HIVEP2: variants seen among roughly 807,000 people sequenced by gnomAD.
HIVEP2 encodes the protein transcription factor HIVEP2.
HIVEP2 carries 14 observed loss-of-function variants against 180.7 expected under a neutral mutation model. That is an observed-to-expected ratio of 0.08 (90% CI 0.05 to 0.12). The LOEUF (loss-of-function observed/expected upper bound fraction) is 0.12. Among genes scored for constraint, HIVEP2 ranks in the 10% least tolerant of loss-of-function variants. HIVEP2 has a pLI of 1.00. For synonymous variants in HIVEP2, 1,184 were observed against 1,136.4 expected, an observed-to-expected ratio of 1.04 and a Z score of -0.84; for missense variants, 2,579 against 3,008.5, an observed-to-expected ratio of 0.86 and a Z score of 3.34.
At chr6:142,911,950 C>A (rs966894075) in intron 1 of HIVEP2, among the ~76,000 whole-genome samples, 2 of 152,082 alleles carry the variant, frequency 1.3e-5, no homozygotes, top group Non-Finnish European at 2.9e-5. Context: ...GTACTTATGG[C>A]TAATGATACT....
chr6:142,819,520 C>T (rs1361758224), intron 2 of HIVEP2, among the ~76,000 whole-genome samples: 2 of 152,176 alleles, frequency 1.3e-5, no homozygotes, highest in African/African-American at 4.8e-5. Flanking sequence ...TCATATATAA[C>T]AGGGAAGAAG....
intron 3 of HIVEP2, among the ~76,000 whole-genome samples, chr6:142,777,250 T>G (rs1472300886): frequency 2.0e-5 from 3 of 152,168 alleles, no homozygotes; most frequent in East Asian, 1.9e-4. Flanking sequence ...TATGGCTCAA[T>G]GATAAAACTG....
rs376703237 is a variant in HIVEP2, at chr6:142,771,070, A to C, written c.3669T>G (p.Pro1223=). Residue 1223 remains proline, a synonymous_variant, in exon 5 of 10, where the codon CCT becomes CCG. Coordinates refer to ENST00000367603, the MANE Select transcript of HIVEP2 (RefSeq NM_006734.4). The surrounding 1 kb of genome is among the most constrained non-coding windows in gnomAD (Gnocchi z 5.4). ...GTGGGAAATGTGCCTGCCACCAGGGAGGCTGCTGAGCTGGTAAATGAACCA... is the reference window on the plus strand; with the variant it reads ...GTGGGAAATGTGCCTGCCACCAGGGCGGCTGCTGAGCTGGTAAATGAACCA... ...VCMVHLPAQQ[P]PWWQAHFPHP... is the part of the protein sequence containing the mutation. 8.1e-6 allele frequency: 13 copies of C among 1,614,032 alleles called. No homozygotes were observed. The highest frequency in any genetic ancestry group is 1.1e-5 in the Non-Finnish European group (13 of 1,180,044).
chr6:142,780,406 C>T (rs1775826511), intron 3 of HIVEP2, among the ~76,000 whole-genome samples: 1 of 152,188 alleles, frequency 6.6e-6, no homozygotes, highest in Non-Finnish European at 1.5e-5. Context: ...CATGAACTTT[C>T]ACATTTGATT....
At chr6:142,886,021 T>C (rs1776689783) in intron 1 of HIVEP2, among the ~76,000 whole-genome samples, 1 of 152,240 alleles carries the variant, frequency 6.6e-6, no homozygotes, top group African/African-American at 2.4e-5. Context: ...TATATCTTTA[T>C]AAAACATGCT....
intron 1 of HIVEP2, among the ~76,000 whole-genome samples, chr6:142,930,150 C>T (rs540594251): frequency 3.3e-5 from 5 of 152,272 alleles, no homozygotes; most frequent in Non-Finnish European, 5.9e-5. Flanking sequence ...TGTGTTGTTC[C>T]TCTACAGCCA....
At chr6:142,851,607 C>T (rs976031988) in intron 1 of HIVEP2, among the ~76,000 whole-genome samples, 1 of 152,212 alleles carries the variant, frequency 6.6e-6, no homozygotes, top group African/African-American at 2.4e-5. Context: ...TTGTCTACAG[C>T]CTCACTGTAA....
At chr6:142,920,778 TC>T (rs1777665237) in intron 1 of HIVEP2, among the ~76,000 whole-genome samples, 1 of 151,966 alleles carries the variant, frequency 6.6e-6, no homozygotes, top group African/African-American at 2.4e-5. Context: ...GCCCAGGAGT[TC>T]CAGATCAGCC....
intron 1 of HIVEP2, among the ~76,000 whole-genome samples, chr6:142,918,095 A>C (rs979338532): frequency 6.6e-6 from 1 of 152,010 alleles, no homozygotes; most frequent in Non-Finnish European, 1.5e-5. Flanking sequence ...TAACAAGAAC[A>C]ATGTGAGCCA....
chr6:142,814,169 A>C (rs1776773713), intron 2 of HIVEP2, among the ~76,000 whole-genome samples: 2 of 152,140 alleles, frequency 1.3e-5, no homozygotes, highest in African/African-American at 4.8e-5. Context: ...AAACATGTGC[A>C]GAAGTTCATC....
chr6:142,807,539 T>C (rs922074460), intron 2 of HIVEP2, among the ~76,000 whole-genome samples: 1 of 152,188 alleles, frequency 6.6e-6, no homozygotes, highest in African/African-American at 2.4e-5. Context: ...TGATATTTCA[T>C]ATAAATGGCT....
intron 2 of HIVEP2, among the ~76,000 whole-genome samples, chr6:142,828,914 T>C (rs1774995382): frequency 6.6e-6 from 1 of 152,182 alleles, no homozygotes; most frequent in Non-Finnish European, 1.5e-5. Context: ...CCACCTTTCA[T>C]AGCCAATCCC....
chr6:142,930,287 TA>T (rs1777913223), intron 1 of HIVEP2, among the ~76,000 whole-genome samples: 1 of 152,176 alleles, frequency 6.6e-6, no homozygotes, highest in East Asian at 1.9e-4. Context: ...CTCATGAACA[TA>T]TAAGAATGAA....
At chr6:142,825,476 C>T (rs1774858168) in intron 2 of HIVEP2, among the ~76,000 whole-genome samples, 1 of 152,178 alleles carries the variant, frequency 6.6e-6, no homozygotes, top group South Asian at 2.1e-4. Context: ...CCTCCCACCA[C>T]AGCTAACCAC....
chr6:142,774,568 G>T lies in HIVEP2; in HGVS notation c.171C>A (p.Asn57Lys). ...QPQIEPEQIG[N>K]TASAQLFGSG... ...AACCAAACAGTTGTGCTGATGCTGT[G>T]TTTCCGATTTGCTCAGGCTCTATTT... The change falls in exon 5 of 10, where the codon AAC (asparagine) becomes AAA (lysine). Residue 57 changes from asparagine (N) to lysine (K), a missense_variant. This residue lies in a region of HIVEP2 where 207 missense variants were observed against 210.1 expected (regional missense o/e 0.99). Coordinates refer to ENST00000367603, the MANE Select transcript of HIVEP2 (RefSeq NM_006734.4). This position sits in a 1 kb window ranked among gnomAD's most constrained non-coding sequence, Gnocchi z 5.1. The T allele has an allele frequency of 6.2e-7, 1 of 1,614,184 alleles. No homozygotes were observed. The highest frequency in any genetic ancestry group is 8.5e-7 in the Non-Finnish European group (1 of 1,180,030).
chr6:142,891,150 A>C (rs935486083), intron 1 of HIVEP2, among the ~76,000 whole-genome samples: 1 of 152,152 alleles, frequency 6.6e-6, no homozygotes, highest in Admixed American at 6.5e-5. Context: ...CTTCGGGACA[A>C]CTCCAAGATA....
At chr6:142,818,790 A>AAAGAG (rs1205323346) in intron 2 of HIVEP2, among the ~76,000 whole-genome samples, 2 of 138,212 alleles carry the variant, frequency 1.4e-5, no homozygotes, top group East Asian at 2.0e-4. Context: ...AGAAAGAAAG[A>AAAGAG]AAAAGAAAAG....
At position 142,841,056 on chromosome 6, in the gene HIVEP2, A is replaced by G. The variant is rs557241598; in HGVS notation, c.-640-4009T>C. On this transcript the variant is annotated intron_variant, in intron 1 of 9. Coordinates refer to ENST00000367603, the MANE Select transcript of HIVEP2 (RefSeq NM_006734.4). ...AATATAAAATGTATCTACTCACATA[A>G]TTTGACTACCTTTAGGTCATAGTTC... Among the ~76,000 whole-genome samples the G allele has an allele frequency of 1.2e-4, 19 of 152,140 alleles. No homozygotes were observed. In the East Asian group the frequency reaches 3.3e-3, roughly 26 times the overall value.
chr6:142,833,915 A>G (rs1240908118), intron 2 of HIVEP2, among the ~76,000 whole-genome samples: 1 of 152,184 alleles, frequency 6.6e-6, no homozygotes, highest in Non-Finnish European at 1.5e-5. Flanking sequence ...TCAAAATACA[A>G]GGAACCAAAC....
Sources: gnomAD v4.1 joint callset for allele counts (sites outside exome capture counted in the v4.1 genomes callset) on GRCh38, gnomAD v4.1.1 for gene constraint, gnomAD v4.1.1 regional missense constraint, Gnocchi (gnomAD v3.1) non-coding constraint, MANE v1.5 for transcripts, NCBI Gene and HGNC (gene_info 2026-07-23, HGNC 2026-07-21) for gene names.